FGF13: variants seen among roughly 807,000 people sequenced by gnomAD.
FGF13 encodes fibroblast growth factor 13.
In FGF13, 2 loss-of-function variants were observed where a neutral mutation model predicts 19.5. The ratio of observed to expected loss-of-function variants is 0.10; its 90% CI spans 0.04 to 0.32. The LOEUF (loss-of-function observed/expected upper bound fraction) is 0.32, where lower values mean the gene tolerates loss of function less well. Ranked by LOEUF, FGF13 falls within the 10% of genes least tolerant of loss-of-function variation. The pLI is 1.00. For synonymous variants in FGF13, 72 were observed against 76.9 expected, an observed-to-expected ratio of 0.94 and a Z score of 0.33; for missense variants, 113 against 192.7, an observed-to-expected ratio of 0.59 and a Z score of 2.45.
At chrX:138,802,634 A>T (rs1226237478) in intron 3 of FGF13, among the ~76,000 whole-genome samples, 1 of 111,380 alleles carries the variant, frequency 9.0e-6, no homozygotes, top group Non-Finnish European at 1.9e-5. Flanking sequence ...GGCTTCTATG[A>T]CATTGTGCTG....
chrX:138,978,875 C>A (rs1385433296), intron 1 of FGF13, among the ~76,000 whole-genome samples: 1 of 111,515 alleles, frequency 9.0e-6, no homozygotes, highest in African/African-American at 3.3e-5. Flanking sequence ...TACTTTGAGA[C>A]CTTACAACTA....
At chrX:138,959,227 G>C (rs1427149607) in intron 1 of FGF13, among the ~76,000 whole-genome samples, 1 of 111,466 alleles carries the variant, frequency 9.0e-6, no homozygotes, top group Non-Finnish European at 1.9e-5. Flanking sequence ...TTGTGTCCTT[G>C]TTCTCACTGG....
At chrX:138,758,529 C>T in intron 3 of FGF13, among the ~76,000 whole-genome samples, 1 of 110,630 alleles carries the variant, frequency 9.0e-6, no homozygotes, top group South Asian at 3.9e-4. Context: ...GATCTTCGAC[C>T]CTCTCTTCTC....
intron 1 of FGF13, among the ~76,000 whole-genome samples, chrX:138,968,451 C>T (rs917962187): frequency 5.4e-5 from 6 of 111,903 alleles, no homozygotes; most frequent in African/African-American, 2.0e-4. Context: ...CCCCATCCCT[C>T]TCTCCTTTTT....
At chrX:138,943,668 T>C (rs1216043935) in intron 1 of FGF13, among the ~76,000 whole-genome samples, 1 of 111,894 alleles carries the variant, frequency 8.9e-6, no homozygotes, top group Non-Finnish European at 1.9e-5. Flanking sequence ...GGACTGAGAA[T>C]GAACTATCCT....
At chrX:139,129,180 C>CACAT (rs1556370086) in intron 1 of FGF13, among the ~76,000 whole-genome samples, 3,521 of 104,690 alleles carry the variant, frequency 0.034, 107 homozygotes, top group African/African-American at 0.085. Flanking sequence ...CACACACACA[C>CACAT]ATGTGTGTGT....
At chrX:138,661,799 CTTTGT>C (rs2089493252) in intron 3 of FGF13, among the ~76,000 whole-genome samples, 2 of 111,479 alleles carry the variant, frequency 1.8e-5, no homozygotes, top group African/African-American at 6.5e-5. Flanking sequence ...ATAGGAATGG[CTTTGT>C]TTTATTTCGT....
intron 1 of FGF13, among the ~76,000 whole-genome samples, chrX:138,893,269 C>T (rs1306427965): frequency 9.0e-6 from 1 of 111,686 alleles, no homozygotes; most frequent in African/African-American, 3.3e-5. Context: ...AGATATCCTT[C>T]TCACTCCATT....
At position 138,958,642 on chromosome X, in the gene FGF13, G is replaced by A. The variant is rs748764540; in HGVS notation, c.-112-93992C>T. On this transcript the variant is annotated intron_variant, in intron 1 of 2. Coordinates refer to the FGF13 transcript ENST00000421460. ...TCTGGTAGAATTCAGCTGTGAATCC[G>A]TCTGGTCCTGGACTTTTTTTAGTTG... Among the ~76,000 whole-genome samples the A allele has an allele frequency of 2.0e-4, 22 of 111,656 alleles. No homozygotes were observed. In the East Asian group the frequency reaches 2.8e-3, roughly 14 times the overall value.
chrX:138,662,376 A>T (rs1436416301), intron 3 of FGF13, among the ~76,000 whole-genome samples: 1 of 112,088 alleles, frequency 8.9e-6, no homozygotes, highest in Non-Finnish European at 1.9e-5. Context: ...GTAGAAGTCA[A>T]TATGGTTCCA....
At chrX:139,055,237 T>A (rs773736212) in intron 1 of FGF13, among the ~76,000 whole-genome samples, 1 of 111,257 alleles carries the variant, frequency 9.0e-6, no homozygotes, top group East Asian at 2.8e-4. Flanking sequence ...GTGGTGAGAG[T>A]GGGCATCCTT....
rs1272254136 is a variant in FGF13 at position 139,133,875 on chromosome X, T to C, written c.-113+69541A>G. Among the ~76,000 whole-genome samples the C allele has an allele frequency of 1.5e-4, 17 of 112,075 alleles. No individual in the cohort carries two copies. The Admixed American group carries it at 1.6e-3, about 11-fold the overall frequency. On this transcript the variant is annotated intron_variant, in intron 1 of 2. Coordinates refer to the FGF13 transcript ENST00000421460. ...AATCTTAAATTGAAGCAGCCTACTTTCTGAGCACTAGTTTCCTCGGCCTTT... is the reference window on the plus strand; with the variant it reads ...AATCTTAAATTGAAGCAGCCTACTTCCTGAGCACTAGTTTCCTCGGCCTTT...
chrX:138,945,614 A>G (rs2091778305), intron 1 of FGF13, among the ~76,000 whole-genome samples: 1 of 111,764 alleles, frequency 8.9e-6, no homozygotes, highest in South Asian at 3.8e-4. Flanking sequence ...ATAATTGTTA[A>G]TTATCTTGGT....
upstream of FGF13, chrX:138,714,770 CA>C (rs1196213050): frequency 8.9e-6 from 1 of 112,048 alleles, no homozygotes; most frequent in Non-Finnish European, 1.9e-5. Context: ...TTCAAATCTC[CA>C]ACAGGAAACT....
chrX:138,762,544 C>T (rs936417782), intron 3 of FGF13, among the ~76,000 whole-genome samples: 13 of 111,205 alleles, frequency 1.2e-4, no homozygotes, highest in African/African-American at 3.3e-4. Flanking sequence ...ACATTTAGGA[C>T]GTTATGGGCT....
chrX:139,074,644 A>G (rs2092386709), intron 1 of FGF13, among the ~76,000 whole-genome samples: 1 of 111,865 alleles, frequency 8.9e-6, no homozygotes, highest in Non-Finnish European at 1.9e-5. Context: ...TTAAAACACC[A>G]TCTTCCATAA....
chrX:138,995,532 G>T (rs769753338), intron 1 of FGF13, among the ~76,000 whole-genome samples: 4 of 111,704 alleles, frequency 3.6e-5, no homozygotes, highest in South Asian at 7.5e-4. Flanking sequence ...TTACCATTTA[G>T]TTCCCACAAA....
At chrX:139,101,714 C>T (rs1214686268) in intron 1 of FGF13, among the ~76,000 whole-genome samples, 3 of 112,342 alleles carry the variant, frequency 2.7e-5, no homozygotes, top group Non-Finnish European at 5.6e-5. Context: ...AGGACTTCAT[C>T]GAATTGTATA....
At chrX:138,779,985 C>T (rs1315995953) in intron 3 of FGF13, among the ~76,000 whole-genome samples, 1 of 102,338 alleles carries the variant, frequency 9.8e-6, no homozygotes, top group Non-Finnish European at 2.0e-5. Flanking sequence ...ACCCTACAAG[C>T]CAGAAGAGAG....
Sources: allele counts gnomAD v4.1 joint callset (sites outside exome capture counted in the v4.1 genomes callset), GRCh38; gene constraint gnomAD v4.1.1; transcripts MANE v1.5; gene names NCBI Gene and HGNC (gene_info 2026-07-23, HGNC 2026-07-21).